The following CCNT1 variants were observed in gnomAD, a reference collection of about 807,000 sequenced individuals.
The protein encoded by CCNT1 is cyclin T1.
CCNT1 carries 18 observed loss-of-function variants against 67.3 expected under a neutral mutation model. The observed-to-expected ratio is 0.27, with a 90% CI of 0.18 to 0.40. The LOEUF (loss-of-function observed/expected upper bound fraction) is 0.40, where lower values mean the gene tolerates loss of function less well. CCNT1 is among the 10% of genes least tolerant of loss of function. CCNT1 has a pLI of 1.00. For missense variants in CCNT1, 744 were observed against 884.9 expected, an observed-to-expected ratio of 0.84 and a Z score of 2.02; for synonymous variants, 333 against 310.3, an observed-to-expected ratio of 1.07 and a Z score of -0.77.
At chr12:48,708,576 C>A (rs186134351) in intron 2 of CCNT1, among the ~76,000 whole-genome samples, 25 of 151,698 alleles carry the variant, frequency 1.6e-4, no homozygotes, top group African/African-American at 6.0e-4. Context: ...AGTTTAGACA[C>A]TAGCAGTAGA....
At chr12:48,701,554 T>C (rs559660566) in intron 3 of CCNT1, among the ~76,000 whole-genome samples, 3 of 152,270 alleles carry the variant, frequency 2.0e-5, no homozygotes, top group Non-Finnish European at 2.9e-5. Flanking sequence ...TTAAGTTTTA[T>C]GGTTCATGTG....
intron 3 of CCNT1, among the ~76,000 whole-genome samples, chr12:48,702,560 G>A (rs546318634): frequency 1.3e-5 from 2 of 152,318 alleles, no homozygotes; most frequent in East Asian, 3.9e-4. Context: ...CAAAGCAGGT[G>A]TATCACGAGG....
intron 2 of CCNT1, among the ~76,000 whole-genome samples, chr12:48,709,539 A>G (rs1940416088): frequency 6.6e-6 from 1 of 152,216 alleles, no homozygotes; most frequent in African/African-American, 2.4e-5. Context: ...CCAAATAGCT[A>G]TCAATAAAAA....
chr12:48,705,255 A>G (rs1940336332), intron 3 of CCNT1, among the ~76,000 whole-genome samples: 1 of 151,730 alleles, frequency 6.6e-6, no homozygotes, highest in African/African-American at 2.4e-5. Context: ...GGGACTAAAG[A>G]TGTGAGCCAG....
In CCNT1 at chr12:48,693,980, C is replaced by G; in HGVS notation, c.1234G>C (p.Ala412Pro). The G allele has an allele frequency of 1.9e-6, 3 of 1,614,194 alleles. No individual in the cohort carries two copies. Among genetic ancestry groups the G allele is most frequent in the Non-Finnish European group, 2.5e-6 (3 of 1,180,020 alleles). Residue 412 changes from alanine to proline, a missense_variant, in exon 9 of 9, where the codon GCC becomes CCC. Physicochemically the swap from Ala to Pro is conservative, Grantham distance 27 (BLOSUM62 -1). This residue lies in a region of CCNT1 where 564 missense variants were observed against 574.2 expected (regional missense o/e 0.98). Coordinates refer to ENST00000261900, the MANE Select transcript of CCNT1 (RefSeq NM_001240.4). ...TATGCATATTGTGACTTCACATTGG[C>G]TTCCATGTTCTCCAGTTGCCTCTTC... ...AQKRQLENME[A>P]NVKSQYAYAA...
chr12:48,699,204 G>A (rs1440018586), intron 5 of CCNT1, among the ~76,000 whole-genome samples: 1 of 151,770 alleles, frequency 6.6e-6, no homozygotes, highest in Non-Finnish European at 1.5e-5. Context: ...AAAGAACTCA[G>A]GAAAATTTGG....
chr12:48,703,514 G>C (rs562326372), intron 3 of CCNT1, among the ~76,000 whole-genome samples: 1 of 151,618 alleles, frequency 6.6e-6, no homozygotes, highest in Admixed American at 6.6e-5. Context: ...GGGAGGTTGC[G>C]GTTGGCTGAG....
In CCNT1 at chr12:48,693,209, T is replaced by G. The variant is rs1348176415; in HGVS notation, c.2005A>C (p.Ser669Arg). The change falls in exon 9 of 9, where the codon AGT (serine) becomes CGT (arginine). Residue 669 changes from serine to arginine, a missense_variant. By Grantham distance (110) the Ser-to-Arg change is moderately radical. Around this residue, in one of 3 missense-constraint regions of CCNT1, gnomAD observed 564 missense variants for 574.2 expected, o/e 0.98. Transcript: ENST00000261900. ...TGAGTGGGCTGAACACCCTGGGCAC[T>G]GAGCAGGGAGTGAAGCATATTCACA... is the stretch of plus-strand genomic sequence containing the variant. ...DTVNMLHSLL[S>R]AQGVQPTQPT... 3 of 1,614,204 alleles carry G rather than the reference T, an allele frequency of 1.9e-6. No individual in the cohort carries two copies. Among genetic ancestry groups the G allele is most frequent in the Non-Finnish European group, 2.5e-6 (3 of 1,180,038 alleles).
At chr12:48,702,842 A>G (rs1218167542) in intron 3 of CCNT1, among the ~76,000 whole-genome samples, 1 of 152,086 alleles carries the variant, frequency 6.6e-6, no homozygotes, top group Non-Finnish European at 1.5e-5. Flanking sequence ...AAATGTAGCT[A>G]GGCATGGTTG....
intron 1 of CCNT1, among the ~76,000 whole-genome samples, chr12:48,716,280 G>A (rs1025365279): frequency 6.6e-6 from 1 of 152,234 alleles, no homozygotes; most frequent in South Asian, 2.1e-4. Context: ...AGCCGGGAAG[G>A]ATACGAATTC....
chr12:48,710,084 G>A (rs1222882350), intron 2 of CCNT1, among the ~76,000 whole-genome samples: 8 of 151,968 alleles, frequency 5.3e-5, no homozygotes, highest in Non-Finnish European at 1.2e-4. Context: ...TAGAGACGGG[G>A]TTTCACCATG....
At chr12:48,697,913 T>C in intron 6 of CCNT1, 1 of 259,582 alleles carries the variant, frequency 3.9e-6, no homozygotes. Flanking sequence ...CCAAATTAGA[T>C]TTTCAGTCAC....
chr12:48,711,944 C>T (rs527576941), intron 2 of CCNT1, among the ~76,000 whole-genome samples: 5 of 152,222 alleles, frequency 3.3e-5, no homozygotes, highest in African/African-American at 7.2e-5. Context: ...AGGCGCCCAC[C>T]GCCACGCCCG....
intron 2 of CCNT1, among the ~76,000 whole-genome samples, chr12:48,708,820 T>C (rs140874578): frequency 0.016 from 2,504 of 152,282 alleles, 32 homozygotes; most frequent in Non-Finnish European, 0.024. Flanking sequence ...AGCAAGACTT[T>C]ATAGGCTGGG....
intron 2 of CCNT1, among the ~76,000 whole-genome samples, chr12:48,708,965 C>CT (rs1433610821): frequency 6.6e-6 from 1 of 152,116 alleles, no homozygotes; most frequent in African/African-American, 2.4e-5. Flanking sequence ...CGTGGTGGCA[C>CT]TGTAGTCTTG....
At chr12:48,698,115 GA>G (rs562194403) in intron 6 of CCNT1, 22 bp downstream of exon 6, 190 of 1,311,348 alleles carry the variant, frequency 1.4e-4, no homozygotes, top group East Asian at 8.0e-4. Context: ...AAATCGAAGA[GA>G]AAAAAAAATT....
chr12:48,701,415 T>C (rs530153203), intron 3 of CCNT1, among the ~76,000 whole-genome samples: 1 of 151,342 alleles, frequency 6.6e-6, no homozygotes, highest in South Asian at 2.1e-4. Context: ...ATACAATCTT[T>C]ATCCCTTATG....
chr12:48,694,178 T>G lies in CCNT1; in HGVS notation c.1036A>C (p.Thr346Pro), dbSNP rs774159319. Reference sequence around the variant, plus strand: ...TTCTCACTAGTCCGATGACCCTGAGTAGGTTCTAGTTTGAAAGAAGGTTGG... The same window carrying G: ...TTCTCACTAGTCCGATGACCCTGAGGAGGTTCTAGTTTGAAAGAAGGTTGG... ...SSQPSFKLEP[T>P]QGHRTSENLA... Residue 346 changes from threonine to proline, a missense_variant, in exon 9 of 9, where the codon ACT becomes CCT. Thr to Pro is a conservative substitution (Grantham distance 38). Transcript: ENST00000261900. 3.1e-6 allele frequency: 5 copies of G among 1,614,040 alleles called. No individual in the cohort carries two copies. Among genetic ancestry groups the G allele is most frequent in the Admixed American group, 3.3e-5 (2 of 60,002 alleles).
rs1415840033 is a variant in CCNT1 at position 48,716,592 on chromosome 12, G to C, written c.84C>G (p.Gly28=). 6.2e-7 allele frequency: 1 copy of C among 1,614,090 alleles called. No individual in the cohort carries two copies. Among genetic ancestry groups the C allele is most frequent in the Non-Finnish European group, 8.5e-7 (1 of 1,180,016 alleles). The change falls in exon 1 of 9, where the codon GGC becomes GGG. Residue 28 remains glycine, a synonymous_variant. Coordinates refer to ENST00000261900, the MANE Select transcript of CCNT1 (RefSeq NM_001240.4). ...QLENSPSRRF[G]VDPDKELSYR... ...AAGAAAGTTCTTTATCTGGGTCCAC[G>C]CCAAAACGACGGGATGGGCTATTTT... is the stretch of plus-strand genomic sequence containing the variant.
Sources: allele counts gnomAD v4.1 joint callset (sites outside exome capture counted in the v4.1 genomes callset), GRCh38; gene constraint gnomAD v4.1.1; regional missense constraint gnomAD v4.1.1; transcripts MANE v1.5; gene names NCBI Gene and HGNC (gene_info 2026-07-23, HGNC 2026-07-21).